Variants in PPP4R2 observed in about 807,000 individuals in gnomAD.
PPP4R2 encodes the protein protein phosphatase 4 regulatory subunit 2.
Under a neutral mutation model 47.2 loss-of-function variants are expected in PPP4R2, and 13 were observed. The observed-to-expected ratio is 0.28, with a 90% CI of 0.18 to 0.44. The LOEUF is 0.44. Among genes scored for constraint, PPP4R2 ranks in the 20% least tolerant of loss-of-function variants. The probability of loss-of-function intolerance (pLI) is 1.00; values close to 1 mark genes in which losing one functional copy is unlikely to be tolerated. For synonymous variants in PPP4R2, 151 were observed against 163.3 expected (o/e 0.92, Z 0.57); for missense variants, 421 against 491.2 (o/e 0.86, Z 1.35).
intron 5 of PPP4R2, chr3:73,062,141 C>T (rs1360862713): frequency 1.3e-6 from 2 of 1,548,054 alleles, no homozygotes; most frequent in Admixed American, 2.1e-5. Flanking sequence ...TTGTTTGGGT[C>T]TGTGACAGAT....
intron 2 of PPP4R2, among the ~76,000 whole-genome samples, chr3:73,037,090 G>A (rs1381114492): frequency 6.6e-6 from 1 of 152,042 alleles, no homozygotes; most frequent in Non-Finnish European, 1.5e-5. Context: ...TATATCACAT[G>A]GATTGGTCTT....
intron 2 of PPP4R2, among the ~76,000 whole-genome samples, chr3:73,004,342 G>A (rs1385808157): frequency 4.6e-5 from 7 of 152,178 alleles, no homozygotes; most frequent in African/African-American, 1.2e-4. Flanking sequence ...TGCCTGGCAT[G>A]TGCCCTTTAA....
At position 73,066,710 on chromosome 3, in the gene PPP4R2, A is replaced by G. The variant is rs1296292089; in HGVS notation, c.*988A>G. 1.3e-5 allele frequency: 2 copies of G among 152,086 alleles called. No individual in the cohort carries two copies. Among genetic ancestry groups the G allele is most frequent in the Admixed American group, 6.5e-5 (1 of 15,274 alleles). The allele number at this position is 152,086 out of a possible 1,614,324, so 9.4% of individuals were successfully genotyped here. A position where few individuals can be genotyped will look rare whatever the true frequency, so the allele number is the denominator to read the frequency against. ...ATGTCTTTCTAAATTATTCTAGGGT[A>G]TGCAAATGTCAATGGTATGAAACAC... On this transcript the variant is annotated 3_prime_UTR_variant, in exon 9 of 9. Transcript: ENST00000356692.
intron 5 of PPP4R2, chr3:73,062,342 A>G (rs757045230): frequency 1.6e-5 from 26 of 1,608,296 alleles, no homozygotes; most frequent in East Asian, 2.2e-5. Context: ...GACAGTATCC[A>G]CTGGATGCAT....
At chr3:73,034,678 A>G (rs542674042) in intron 2 of PPP4R2, among the ~76,000 whole-genome samples, 1 of 152,016 alleles carries the variant, frequency 6.6e-6, no homozygotes, top group Non-Finnish European at 1.5e-5. Flanking sequence ...GATTATAGGT[A>G]CATGCCACCA....
At chr3:73,032,720 T>A (rs1702190396) in intron 2 of PPP4R2, among the ~76,000 whole-genome samples, 2 of 151,798 alleles carry the variant, frequency 1.3e-5, no homozygotes, top group Non-Finnish European at 2.9e-5. Flanking sequence ...TACGTACTCC[T>A]TCTCCAAGCA....
rs80000805 is a variant in PPP4R2, at chr3:73,051,354, T to C, written c.287+3998T>C. Among the ~76,000 whole-genome samples, 1,061 of 152,366 alleles carry C rather than the reference T, an allele frequency of 7.0e-3. 10 individuals are homozygous for C. Among genetic ancestry groups the C allele is most frequent in the African/African-American group, 0.024 (995 of 41,582 alleles). ...CTTTCTTTTGTAATAAGTGCAGATATTGTAATTCTTCGGTACTGTATATGT... is the reference window on the plus strand; with the variant it reads ...CTTTCTTTTGTAATAAGTGCAGATACTGTAATTCTTCGGTACTGTATATGT... On this transcript the variant is annotated intron_variant, in intron 3 of 8. Transcript: ENST00000356692.
intron 2 of PPP4R2, among the ~76,000 whole-genome samples, chr3:73,031,727 G>T (rs1280909774): frequency 2.6e-5 from 4 of 152,140 alleles, no homozygotes; most frequent in Non-Finnish European, 5.9e-5. Context: ...GCATCTTACT[G>T]TGGTCTAACA....
chr3:73,022,277 C>T (rs1003014228), intron 2 of PPP4R2, among the ~76,000 whole-genome samples: 4 of 151,966 alleles, frequency 2.6e-5, no homozygotes, highest in Admixed American at 1.3e-4. Context: ...AAAAATTAGG[C>T]CTGGAGGAAA....
At chr3:73,019,782 T>G (rs1701922310) in intron 2 of PPP4R2, among the ~76,000 whole-genome samples, 2 of 152,138 alleles carry the variant, frequency 1.3e-5, no homozygotes, top group African/African-American at 2.4e-5. Context: ...ATACTTGCTC[T>G]CTCTCTTCTC....
chr3:73,055,484 G>C (rs900025345), intron 3 of PPP4R2, among the ~76,000 whole-genome samples: 1 of 148,444 alleles, frequency 6.7e-6, no homozygotes, highest in African/African-American at 2.5e-5. Flanking sequence ...ATTTAGCAAA[G>C]GTGGATCCTT....
chr3:73,046,302 G>T (rs546325467), intron 2 of PPP4R2, among the ~76,000 whole-genome samples: 1 of 152,278 alleles, frequency 6.6e-6, no homozygotes, highest in South Asian at 2.1e-4. Context: ...GTTGCTGCAT[G>T]GGATGGAAGG....
chr3:73,015,700 C>A, intron 2 of PPP4R2: 1 of 285,546 alleles, frequency 3.5e-6, no homozygotes, highest in South Asian at 2.6e-5. Flanking sequence ...TGCAGTGGCG[C>A]CATCTCGGCT....
intron 2 of PPP4R2, among the ~76,000 whole-genome samples, chr3:73,021,880 G>GTGTGTGTGTGTGTA (rs1370167478): frequency 2.2e-5 from 3 of 135,342 alleles, no homozygotes; most frequent in African/African-American, 8.3e-5. Context: ...GTGTGTGTGT[G>GTGTGTGTGTGTGTA]TATATATGCA....
At position 72,998,175 on chromosome 3, in the gene PPP4R2, C is replaced by G. The variant is rs1437025506; in HGVS notation, c.116+17C>G. ...AGAAACAATGTGAGTTGAAAACATG[C>G]ATTTGTCGTTATAGACCAGTGCATT... On this transcript the variant is annotated intron_variant, in intron 2 of 8. Coordinates refer to ENST00000356692, the MANE Select transcript of PPP4R2 (RefSeq NM_174907.4). The G allele has an allele frequency of 2.8e-5, 44 of 1,558,578 alleles. No individual in the cohort carries two copies. Among genetic ancestry groups the G allele is most frequent in the Non-Finnish European group, 3.7e-5 (42 of 1,138,850 alleles).
At chr3:73,022,435 A>G (rs1412770080) in intron 2 of PPP4R2, among the ~76,000 whole-genome samples, 1 of 152,192 alleles carries the variant, frequency 6.6e-6, no homozygotes, top group African/African-American at 2.4e-5. Flanking sequence ...TTTAGTTACA[A>G]GGTGAAAGTT....
intron 2 of PPP4R2, chr3:73,016,146 T>G (rs1406527008): frequency 6.6e-6 from 1 of 152,266 alleles, no homozygotes; most frequent in African/African-American, 2.4e-5. Flanking sequence ...CAATGCTGTT[T>G]AATTAAGCTA....
intron 2 of PPP4R2, among the ~76,000 whole-genome samples, chr3:73,017,616 T>G (rs947227165): frequency 6.6e-6 from 1 of 152,202 alleles, no homozygotes. Flanking sequence ...TATGTTAAAG[T>G]GAGGACTCTG....
intron 4 of PPP4R2, among the ~76,000 whole-genome samples, chr3:73,059,783 A>G (rs1288909702): frequency 6.6e-6 from 1 of 151,976 alleles, no homozygotes; most frequent in Non-Finnish European, 1.5e-5. Flanking sequence ...AAAAATACAA[A>G]AACTAGCCGG....
Sources: allele counts gnomAD v4.1 joint callset (sites outside exome capture counted in the v4.1 genomes callset), GRCh38; gene constraint gnomAD v4.1.1; transcripts MANE v1.5; gene names NCBI Gene and HGNC (gene_info 2026-07-23, HGNC 2026-07-21).